The following STK32B variants were observed in gnomAD, a reference collection of about 807,000 sequenced individuals.
STK32B encodes the protein serine/threonine kinase 32B, also known as serine/threonine-protein kinase 32B.
Under a neutral mutation model 52.6 loss-of-function variants are expected in STK32B, and 43 were observed. The ratio of observed to expected loss-of-function variants is 0.82; its 90% CI spans 0.64 to 1.05. The LOEUF is 1.05. Ranked by LOEUF, STK32B falls within the 50% of genes least tolerant of loss-of-function variation. The pLI is 0.00. For missense variants in STK32B, 621 were observed against 534.6 expected (o/e 1.16, Z -1.59); for synonymous variants, 238 against 204.3 (o/e 1.17, Z -1.41).
chr4:5,201,157 G>A (rs1476167709), intron 3 of STK32B, among the ~76,000 whole-genome samples: 1 of 152,210 alleles, frequency 6.6e-6, no homozygotes, highest in Non-Finnish European at 1.5e-5. Context: ...GGAGATGTGA[G>A]TGAATGAGAA....
chr4:5,118,355 A>T (rs1714849503), intron 1 of STK32B, among the ~76,000 whole-genome samples: 1 of 152,182 alleles, frequency 6.6e-6, no homozygotes. Flanking sequence ...GTAAGTGTTC[A>T]TAGTAGTCTC....
intron 3 of STK32B, among the ~76,000 whole-genome samples, chr4:5,310,725 G>C (rs965238401): frequency 1.3e-5 from 2 of 152,214 alleles, no homozygotes; most frequent in Admixed American, 1.3e-4. Flanking sequence ...ATATGCAGAA[G>C]AAGTATCTGC....
chr4:5,342,241 A>G (rs1450525495), intron 4 of STK32B, among the ~76,000 whole-genome samples: 3 of 152,214 alleles, frequency 2.0e-5, no homozygotes, highest in African/African-American at 7.2e-5. Flanking sequence ...CTATAAAGAC[A>G]CATGCACACG....
At chr4:5,024,470 C>G in the STK32B span, among the ~76,000 whole-genome samples, 3 of 152,204 alleles carry the variant, frequency 2.0e-5, no homozygotes, top group East Asian at 5.8e-4. Flanking sequence ...CTCTTAATAT[C>G]TCTCTGCCAC....
At chr4:5,120,869 A>G (rs920309184) in intron 1 of STK32B, among the ~76,000 whole-genome samples, 1 of 151,352 alleles carries the variant, frequency 6.6e-6, no homozygotes, top group African/African-American at 2.4e-5. Context: ...ATAACACTTC[A>G]TTTAAGAAAT....
rs538570968 is a variant in STK32B at position 5,481,141 on chromosome 4, C to G, written c.1106+13071C>G. Among the ~76,000 whole-genome samples, 3 of 152,298 alleles carry G rather than the reference C, an allele frequency of 2.0e-5. No homozygotes were observed. The East Asian group carries it at 5.8e-4, about 29-fold the overall frequency. On this transcript the variant is annotated intron_variant, in intron 11 of 11. Coordinates refer to ENST00000282908, the MANE Select transcript of STK32B (RefSeq NM_018401.3). ...TCAAATGTTATTTCTAGTTCTAGAT[C>G]CCTGAGGAATCGCGACACTGACTTG... is the stretch of plus-strand genomic sequence containing the variant.
At chr4:5,316,587 A>ATATATATTACATATATAATATATAT (rs1730803507) in intron 3 of STK32B, among the ~76,000 whole-genome samples, 26 of 1,994 alleles carry the variant, frequency 0.013, no homozygotes, top group East Asian at 0.056. Flanking sequence ...ATAATATATA[A>ATATATATTACATATATAATATATAT]TATATATTAC....
At position 5,230,710 on chromosome 4, in the gene STK32B, C is replaced by T. The variant is rs185240285; in HGVS notation, c.260+62260C>T. Among the ~76,000 whole-genome samples the T allele has an allele frequency of 1.3e-4, 20 of 152,290 alleles. No individual in the cohort carries two copies. In the East Asian group the frequency reaches 3.1e-3, roughly 23 times the overall value. ...GGCTGGAGATGTGGTGTTGAAGCAG[C>T]GCCTGTGTGCATGTACATGTGGAAA... On this transcript the variant is annotated intron_variant, in intron 3 of 11. Coordinates refer to ENST00000282908, the MANE Select transcript of STK32B (RefSeq NM_018401.3).
chr4:5,081,944 A>ATTTG (rs535807169), intron 1 of STK32B, among the ~76,000 whole-genome samples: 86 of 152,138 alleles, frequency 5.7e-4, no homozygotes, highest in African/African-American at 2.0e-3. Context: ...GTTTTCTTAA[A>ATTTG]TTTGTTTGTT....
chr4:5,181,706 G>A (rs1461571153), intron 3 of STK32B, among the ~76,000 whole-genome samples: 3 of 152,202 alleles, frequency 2.0e-5, no homozygotes, highest in African/African-American at 7.2e-5. Flanking sequence ...AAAAAACAAG[G>A]TACGTACCAT....
chr4:5,061,171 T>G (rs78596822), intron 1 of STK32B, among the ~76,000 whole-genome samples: 6,748 of 152,324 alleles, frequency 0.044, 234 homozygotes, highest in Non-Finnish European at 0.068. Context: ...TTGACAATAC[T>G]TCTTTGCTTT....
intron 3 of STK32B, among the ~76,000 whole-genome samples, chr4:5,196,129 G>T (rs1721632426): frequency 6.6e-6 from 1 of 152,120 alleles, no homozygotes; most frequent in East Asian, 1.9e-4. Context: ...GATCAAGATG[G>T]AAATGCAGGT....
intron 3 of STK32B, among the ~76,000 whole-genome samples, chr4:5,286,832 C>G (rs1201608144): frequency 1.6e-5 from 2 of 127,516 alleles, no homozygotes; most frequent in African/African-American, 3.1e-5. Context: ...GAGTTTCGCT[C>G]TTTCACCAAG....
At chr4:5,334,688 G>A (rs9685034) in intron 4 of STK32B, among the ~76,000 whole-genome samples, 1 of 129,400 alleles carries the variant, frequency 7.7e-6, no homozygotes, top group Non-Finnish European at 1.7e-5. Context: ...TAGCCTGAAG[G>A]GTTGTTGAAT....
intron 2 of STK32B, among the ~76,000 whole-genome samples, chr4:5,151,795 T>G (rs1351792955): frequency 6.6e-6 from 1 of 152,158 alleles, no homozygotes; most frequent in Non-Finnish European, 1.5e-5. Context: ...ATCTGTAAAA[T>G]GGAAAGGGAA....
At chr4:5,027,458 G>A in the STK32B span, among the ~76,000 whole-genome samples, 4 of 152,136 alleles carry the variant, frequency 2.6e-5, no homozygotes, top group African/African-American at 7.2e-5. Context: ...GCTTGTCCTA[G>A]GAGAAAAACT....
chr4:5,450,150 A>C (rs567245596), intron 7 of STK32B, among the ~76,000 whole-genome samples: 6 of 152,194 alleles, frequency 3.9e-5, no homozygotes, highest in Admixed American at 6.5e-5. Context: ...GTAGGATCCA[A>C]CTTCTCTCTG....
rs1171768944 is a variant in STK32B at position 5,331,319 on chromosome 4, G to T, written c.360G>T (p.Glu120Asp). The change falls in exon 4 of 12, where the codon GAG (glutamate) becomes GAT (aspartate). Residue 120 changes from glutamate (E) to aspartate (D), a missense_variant. Transcript: ENST00000282908. Reference sequence around the variant, plus strand: ...TGCAGCAGAATGTGCATTTCACAGAGGGGACTGTGAAACTCTACATCTGTG... The same window carrying T: ...TGCAGCAGAATGTGCATTTCACAGATGGGACTGTGAAACTCTACATCTGTG... Reference protein sequence around the residue: ...YHLQQNVHFTEGTVKLYICEL... With the variant: ...YHLQQNVHFTDGTVKLYICEL... The T allele has an allele frequency of 6.2e-7, 1 of 1,613,956 alleles. No individual in the cohort carries two copies. The highest frequency in any genetic ancestry group is 1.1e-5 in the South Asian group (1 of 91,046).
intron 3 of STK32B, among the ~76,000 whole-genome samples, chr4:5,176,438 C>CTTTTTTTTTTTTTT: frequency 8.9e-6 from 1 of 111,984 alleles, no homozygotes; most frequent in Non-Finnish European, 1.7e-5. Flanking sequence ...CGGCCATCAT[C>CTTTTTTTTTTTTTT]TTTTTTTTTT....
Sources: gnomAD v4.1 joint callset for allele counts (sites outside exome capture counted in the v4.1 genomes callset) on GRCh38, gnomAD v4.1.1 for gene constraint, MANE v1.5 for transcripts, NCBI Gene and HGNC (gene_info 2026-07-23, HGNC 2026-07-21) for gene names.